The following STAM variants were observed in gnomAD, a reference collection of about 807,000 sequenced individuals.
The protein encoded by STAM is signal transducing adapter molecule 1.
Under a neutral mutation model 63.4 loss-of-function variants are expected in STAM, and 16 were observed. The ratio of observed to expected loss-of-function variants is 0.25; its 90% confidence interval spans 0.17 to 0.38. STAM has a LOEUF of 0.38. STAM is among the 10% of genes least tolerant of loss of function. STAM has a pLI of 1.00. For synonymous variants in STAM, 238 were observed against 223.9 expected, an observed-to-expected ratio of 1.06 and a Z score of -0.56; for missense variants, 636 against 657.1, an observed-to-expected ratio of 0.97 and a Z score of 0.35.
intron 13 of STAM, among the ~76,000 whole-genome samples, chr10:17,712,895 T>C (rs1190340115): frequency 6.6e-6 from 1 of 151,984 alleles, no homozygotes; most frequent in Non-Finnish European, 1.5e-5. Flanking sequence ...GCTCAGTACG[T>C]GAGGGGTGCA....
At chr10:17,709,017 T>C (rs1836433715) in intron 13 of STAM, 66 bp downstream of exon 13, 1 of 1,527,936 alleles carries the variant, frequency 6.5e-7, no homozygotes, top group Non-Finnish European at 8.9e-7. Context: ...CCCCCAGTTA[T>C]CTATAACTAT....
At chr10:17,696,942 CT>C in intron 8 of STAM, 73 bp downstream of exon 8, 1 of 1,254,250 alleles carries the variant, frequency 8.0e-7, no homozygotes, top group Non-Finnish European at 1.2e-6. Context: ...GTAAACTGAA[CT>C]TTTTAGAGCA....
intron 1 of STAM, among the ~76,000 whole-genome samples, chr10:17,647,385 C>T (rs934781963): frequency 2.0e-5 from 3 of 152,146 alleles, no homozygotes; most frequent in Non-Finnish European, 4.4e-5. Flanking sequence ...GATTTCAGGA[C>T]ACCAAACTTT....
At chr10:17,690,198 C>T (rs1554826596) in intron 5 of STAM, among the ~76,000 whole-genome samples, 1 of 152,194 alleles carries the variant, frequency 6.6e-6, no homozygotes, top group Non-Finnish European at 1.5e-5. Context: ...GTCCAGTGTT[C>T]TTTTCGCTGC....
At chr10:17,671,026 A>G (rs1375073289) in intron 2 of STAM, among the ~76,000 whole-genome samples, 2 of 152,196 alleles carry the variant, frequency 1.3e-5, no homozygotes, top group Non-Finnish European at 2.9e-5. Context: ...AAAGGCATCT[A>G]AATAAGGCTC....
At chr10:17,651,351 G>A (rs531011818) in intron 1 of STAM, among the ~76,000 whole-genome samples, 7 of 152,284 alleles carry the variant, frequency 4.6e-5, no homozygotes, top group Admixed American at 2.0e-4. Flanking sequence ...ATAGCACCTG[G>A]CATGTAGTAA....
chr10:17,689,639 G>C (rs1001587354), intron 5 of STAM, among the ~76,000 whole-genome samples: 15 of 152,174 alleles, frequency 9.9e-5, no homozygotes, highest in African/African-American at 3.6e-4. Flanking sequence ...TACATTCCTT[G>C]ACAACAGAAA....
rs1459333350 is a variant in STAM, at chr10:17,712,157, CTG to C, written c.1386-2383_1386-2382del. Among the ~76,000 whole-genome samples the C allele has an allele frequency of 5.3e-5, 8 of 152,330 alleles. No homozygotes were observed. In the South Asian group the frequency reaches 8.3e-4, roughly 16 times the overall value. ...AGGGGTATTTAGTATGTTCCAAGCA[CTG>C]TGCTGTATGCTTTACACAAAGTAAC... is the stretch of plus-strand genomic sequence containing the variant. On this transcript the variant is annotated intron_variant, in intron 13 of 13. Coordinates refer to ENST00000377524, the MANE Select transcript of STAM (RefSeq NM_003473.4).
chr10:17,665,378 T>C (rs1834334578), intron 2 of STAM, among the ~76,000 whole-genome samples: 1 of 152,192 alleles, frequency 6.6e-6, no homozygotes, highest in Non-Finnish European at 1.5e-5. Flanking sequence ...CTAATTCCTA[T>C]CCCTGTTTCG....
At chr10:17,701,444 C>T (rs782817033) in intron 9 of STAM, among the ~76,000 whole-genome samples, 1 of 152,076 alleles carries the variant, frequency 6.6e-6, no homozygotes, top group Non-Finnish European at 1.5e-5. Context: ...AACTCTTAGG[C>T]CAAATTTAGC....
intron 2 of STAM, among the ~76,000 whole-genome samples, chr10:17,679,547 A>G (rs1834995929): frequency 6.6e-6 from 1 of 151,168 alleles, no homozygotes; most frequent in Non-Finnish European, 1.5e-5. Flanking sequence ...TAATGCACAA[A>G]AACTTTTAAT....
At chr10:17,669,886 T>TTTTC (rs1456270375) in intron 2 of STAM, among the ~76,000 whole-genome samples, 5 of 127,236 alleles carry the variant, frequency 3.9e-5, no homozygotes, top group African/African-American at 5.8e-5. Context: ...TTTCTTTTCT[T>TTTTC]TTTTTTTTTT....
At chr10:17,689,680 T>C (rs1278326235) in intron 5 of STAM, among the ~76,000 whole-genome samples, 2 of 152,194 alleles carry the variant, frequency 1.3e-5, no homozygotes, top group African/African-American at 4.8e-5. Flanking sequence ...GTAGACTCAC[T>C]GCAGAGAACC....
intron 6 of STAM, among the ~76,000 whole-genome samples, chr10:17,693,555 T>G (rs1215109835): frequency 3.9e-5 from 6 of 152,234 alleles, no homozygotes; most frequent in African/African-American, 1.4e-4. Flanking sequence ...TGCTTTTTTG[T>G]GTCTAACAAA....
At chr10:17,695,624 A>T (rs1554827388) in intron 7 of STAM, 1 of 156,828 alleles carries the variant, frequency 6.4e-6, no homozygotes, top group African/African-American at 2.4e-5. Context: ...AGAACAGTAT[A>T]GCCATAGGGA....
intron 5 of STAM, among the ~76,000 whole-genome samples, chr10:17,690,865 A>G (rs2131644732): frequency 6.6e-6 from 1 of 152,350 alleles, no homozygotes; most frequent in South Asian, 2.1e-4. Context: ...GCTGCTTAAT[A>G]AGACAAGTGT....
At chr10:17,701,881 C>T (rs1218940954) in intron 9 of STAM, among the ~76,000 whole-genome samples, 1 of 150,656 alleles carries the variant, frequency 6.6e-6, no homozygotes, top group Non-Finnish European at 1.5e-5. Context: ...AGTCATGGCT[C>T]TAATGACTAG....
At chr10:17,648,674 G>C in intron 1 of STAM, among the ~76,000 whole-genome samples, 1 of 152,126 alleles carries the variant, frequency 6.6e-6, no homozygotes, top group East Asian at 1.9e-4. Flanking sequence ...TTCAGTCATT[G>C]TTATCTCTTA....
Position 17,715,119 on chromosome 10 carries a change from T to C in STAM, c.*339T>C, listed in dbSNP as rs1473118272. On this transcript the variant is annotated 3_prime_UTR_variant, in exon 14 of 14. Transcript: ENST00000377524. ...CAAATGTTATGTACATATATTGATATGTAACTGCATTAGTGGCCATTTTGA... is the reference window on the plus strand; with the variant it reads ...CAAATGTTATGTACATATATTGATACGTAACTGCATTAGTGGCCATTTTGA... 1.4e-5 allele frequency: 4 copies of C among 284,010 alleles called. No homozygotes were observed. Among genetic ancestry groups the C allele is most frequent in the African/African-American group, 4.3e-5 (2 of 46,738 alleles). 17.6% of individuals were successfully genotyped at this position (284,010 alleles called of 1,614,324 possible).
Sources: gnomAD v4.1 joint callset for allele counts (sites outside exome capture counted in the v4.1 genomes callset) on GRCh38, gnomAD v4.1.1 for gene constraint, MANE v1.5 for transcripts, NCBI Gene and HGNC (gene_info 2026-07-23, HGNC 2026-07-21) for gene names.